The following ACSS2 variants were observed in gnomAD, a reference collection of about 807,000 sequenced individuals.
The protein encoded by ACSS2 is acyl-CoA synthetase short chain family member 2.
A neutral mutation model predicts 90.6 loss-of-function variants in ACSS2; 58 were observed. The observed-to-expected ratio is 0.64, with a 90% CI of 0.52 to 0.80. ACSS2 has a LOEUF of 0.80. Among genes scored for constraint, ACSS2 ranks in the 30% least tolerant of loss-of-function variants. The pLI is 0.00. For synonymous variants in ACSS2, 300 were observed against 330.9 expected (o/e 0.91, Z 1.01); for missense variants, 759 against 912.0 (o/e 0.83, Z 2.16).
intron 2 of ACSS2, among the ~76,000 whole-genome samples, chr20:34,902,358 A>G (rs555776221): frequency 1.1e-4 from 17 of 152,332 alleles, no homozygotes; most frequent in Admixed American, 8.5e-4. Flanking sequence ...CAAAAGAAGT[A>G]TAGTTTGAGA....
chr20:34,911,702 CATA>C (rs1308264875), intron 2 of ACSS2, among the ~76,000 whole-genome samples: 2 of 152,178 alleles, frequency 1.3e-5, no homozygotes, highest in African/African-American at 2.4e-5. Context: ...TAATGCTTAT[CATA>C]ATCTGAAATT....
At chr20:34,887,073 A>G (rs2080213095) in intron 2 of ACSS2, among the ~76,000 whole-genome samples, 1 of 152,232 alleles carries the variant, frequency 6.6e-6, no homozygotes, top group South Asian at 2.1e-4. Flanking sequence ...GACACATTGC[A>G]AATGTTCACG....
chr20:34,878,011 A>G lies in ACSS2; in HGVS notation c.178+1188A>G, dbSNP rs148831359. 1.4e-3 allele frequency among the ~76,000 whole-genome samples: 215 copies of G among 152,178 alleles called. 1 individual carries two copies. Among genetic ancestry groups the G allele is most frequent in the African/African-American group, 5.0e-3 (206 of 41,518 alleles). On this transcript the variant is annotated intron_variant, in intron 1 of 17. Transcript: ENST00000360596. ...TGCAGTGGCCCGTTCTAGGCTCACTATAGCCTGCATCTCCTGGGCTCATGC... is the reference window on the plus strand; with the variant it reads ...TGCAGTGGCCCGTTCTAGGCTCACTGTAGCCTGCATCTCCTGGGCTCATGC...
Position 34,914,446 on chromosome 20 carries a change from G to T in ACSS2, c.834+9G>T. 6.3e-7 allele frequency: 1 copy of T among 1,598,532 alleles called. No homozygotes were observed. Among genetic ancestry groups the T allele is most frequent in the South Asian group, 1.1e-5 (1 of 88,542 alleles). ...CATGCCCAGATGTGCAGGTGAGTCT[G>T]GCACTGCTATGCCTTTCTCCAGGCT... On this transcript the variant is annotated intron_variant, in intron 7 of 17. Transcript: ENST00000360596.
At chr20:34,913,026 G>C (rs1356359064) in intron 2 of ACSS2, 70 bp from the exon 3 acceptor site, 8 of 1,194,616 alleles carry the variant, frequency 6.7e-6, no homozygotes, top group Non-Finnish European at 1.0e-5. Flanking sequence ...TGGATTTTAT[G>C]ACTCTGCCTG....
chr20:34,891,727 T>C lies in ACSS2; in HGVS notation c.374+8738T>C, dbSNP rs541433981. ...GAGGTGAGCTGGAGGATTTCATGTT[T>C]AAGGTGGATTTCTAACCTGCTTCTC... is the stretch of plus-strand genomic sequence containing the variant. On this transcript the variant is annotated intron_variant, in intron 2 of 17. Coordinates refer to ENST00000360596, the MANE Select transcript of ACSS2 (RefSeq NM_018677.4). 1.6e-4 allele frequency among the ~76,000 whole-genome samples: 25 copies of C among 152,314 alleles called. 1 individual carries two copies. The highest frequency in any genetic ancestry group is 6.0e-4 in the African/African-American group (25 of 41,570).
chr20:34,919,098 A>G (rs1236593129), intron 7 of ACSS2, among the ~76,000 whole-genome samples: 3 of 152,196 alleles, frequency 2.0e-5, no homozygotes, highest in African/African-American at 7.2e-5. Context: ...GTAGCAATCT[A>G]TCAGATACTG....
Position 34,927,292 on chromosome 20 carries a change from G to A in ACSS2, c.*78G>A. 1 of 1,583,094 alleles carries A rather than the reference G, an allele frequency of 6.3e-7. No individual in the cohort carries two copies. Among genetic ancestry groups the A allele is most frequent in the South Asian group, 1.1e-5 (1 of 89,774 alleles). ...CTCTTTGCCCCCTCAGGAGTGCTGA[G>A]GGCCAGTGTTGACCCACACTACCCT... On this transcript the variant is annotated 3_prime_UTR_variant, in exon 18 of 18. Coordinates refer to ENST00000360596, the MANE Select transcript of ACSS2 (RefSeq NM_018677.4). This position sits in a 1 kb window ranked among gnomAD's most constrained non-coding sequence, Gnocchi z 4.2.
At chr20:34,899,428 TTCCTTCC>T (rs1568977273) in intron 2 of ACSS2, among the ~76,000 whole-genome samples, 15 of 39,916 alleles carry the variant, frequency 3.8e-4, no homozygotes, top group Middle Eastern at 0.024. Context: ...CTTTCTTTCC[TTCCTTCC>T]TTCCTTCCTT....
At chr20:34,876,530 C>G (rs1159245083), upstream of ACSS2, 1 of 1,222,376 alleles carries the variant, frequency 8.2e-7, no homozygotes, top group Admixed American at 4.2e-5. Context: ...AAGCCACTCC[C>G]CCACTCACCA....
intron 2 of ACSS2, among the ~76,000 whole-genome samples, chr20:34,889,802 G>C (rs1356309688): frequency 6.6e-6 from 1 of 152,186 alleles, no homozygotes; most frequent in Non-Finnish European, 1.5e-5. Context: ...TTGCTGACTT[G>C]GATTGGGTCT....
chr20:34,903,853 A>G (rs975334331), intron 2 of ACSS2, among the ~76,000 whole-genome samples: 1 of 146,374 alleles, frequency 6.8e-6, no homozygotes, highest in Non-Finnish European at 1.5e-5. Context: ...CCTGGGCAAC[A>G]TAGTGAGACA....
Position 34,927,252 on chromosome 20 carries a change from CA to C in ACSS2, c.*41del, listed in dbSNP as rs2081340882. 2 of 1,608,612 alleles carry C rather than the reference CA, an allele frequency of 1.2e-6. No individual in the cohort carries two copies. Among genetic ancestry groups the C allele is most frequent in the Non-Finnish European group, 1.7e-6 (2 of 1,179,480 alleles). ...CCTTTACCTAGGATTCCTCCTGCTC[CA>C]AACTTTGCCCATCCTCTTTGCCCCC... On this transcript the variant is annotated 3_prime_UTR_variant, in exon 18 of 18. Coordinates refer to ENST00000360596, the MANE Select transcript of ACSS2 (RefSeq NM_018677.4). The surrounding 1 kb of genome is among the most constrained non-coding windows in gnomAD (Gnocchi z 4.2).
At chr20:34,898,236 T>A (rs1267814942) in intron 2 of ACSS2, among the ~76,000 whole-genome samples, 5 of 152,174 alleles carry the variant, frequency 3.3e-5, no homozygotes, top group Admixed American at 1.3e-4. Context: ...GGGTTACCAC[T>A]GCTGGCTGGG....
In ACSS2 at chr20:34,921,553, A is replaced by G. The variant is rs754979041; in HGVS notation, c.1420A>G (p.Met474Val). ...TFWQTETGGH[M>V]LTPLPGATPM... The stretch of plus-strand genomic sequence containing the variant: ...TCTCTGACTTCCCCAGGGTGGCCAC[A>G]TGTTGACTCCCCTTCCTGGTGCCAC... The change falls in exon 12 of 18, where the codon ATG (methionine) becomes GTG (valine). Residue 474 changes from methionine to valine, a missense_variant. Coordinates refer to ENST00000360596, the MANE Select transcript of ACSS2 (RefSeq NM_018677.4). 6 of 1,614,172 alleles carry G rather than the reference A, an allele frequency of 3.7e-6. No homozygotes were observed. Among genetic ancestry groups the G allele is most frequent in the Middle Eastern group, 1.6e-4 (1 of 6,062 alleles).
chr20:34,875,470 G>A (rs1453104687), upstream of ACSS2, among the ~76,000 whole-genome samples: 2 of 152,208 alleles, frequency 1.3e-5, no homozygotes, highest in Admixed American at 1.3e-4. Context: ...TCGGGAGGCT[G>A]AGGCAGGAGA....
At chr20:34,894,586 G>T (rs2080419230) in intron 2 of ACSS2, among the ~76,000 whole-genome samples, 1 of 152,058 alleles carries the variant, frequency 6.6e-6, no homozygotes, top group South Asian at 2.1e-4. Flanking sequence ...GATTTCTTGA[G>T]CCTGGGAGGT....
intron 2 of ACSS2, among the ~76,000 whole-genome samples, chr20:34,889,558 C>A (rs887891254): frequency 6.6e-6 from 1 of 151,968 alleles, no homozygotes; most frequent in South Asian, 2.1e-4. Context: ...CCCACCCACA[C>A]CACTAGACAA....
At chr20:34,925,582 A>G in intron 14 of ACSS2, 116 bp from the exon 15 acceptor site, 1 of 1,134,176 alleles carries the variant, frequency 8.8e-7, no homozygotes, top group Non-Finnish European at 1.3e-6. Context: ...AGTGGGCAAG[A>G]GTGGAAGCAG....
Sources: gnomAD v4.1 joint callset for allele counts (sites outside exome capture counted in the v4.1 genomes callset) on GRCh38, gnomAD v4.1.1 for gene constraint, Gnocchi (gnomAD v3.1) non-coding constraint, MANE v1.5 for transcripts, NCBI Gene and HGNC (gene_info 2026-07-23, HGNC 2026-07-21) for gene names.